The following IL20RB variants were observed in gnomAD, a reference collection of about 807,000 sequenced individuals.
The protein encoded by IL20RB is interleukin-20 receptor subunit beta.
In IL20RB, 21 loss-of-function variants were observed where a neutral mutation model predicts 33.3. That is an observed-to-expected ratio of 0.63 (90% CI 0.45 to 0.91). IL20RB has a LOEUF of 0.91. Among genes scored for constraint, IL20RB ranks in the 40% least tolerant of loss-of-function variants. The pLI, the probability that IL20RB is intolerant of heterozygous loss-of-function variation, is 0.00. For synonymous variants in IL20RB, 147 were observed against 146.8 expected, an observed-to-expected ratio of 1.00 and a Z score of -0.01; for missense variants, 345 against 384.8, an observed-to-expected ratio of 0.90 and a Z score of 0.86.
At chr3:136,980,357 C>A in intron 1 of IL20RB, 109 bp from the exon 2 acceptor site, 1 of 1,310,128 alleles carries the variant, frequency 7.6e-7, no homozygotes, top group Non-Finnish European at 1.1e-6. Flanking sequence ...GCAATCTCAG[C>A]TTACTGCAAC....
intron 6 of IL20RB, among the ~76,000 whole-genome samples, chr3:137,004,993 C>T (rs1045533123): frequency 6.6e-6 from 1 of 152,160 alleles, no homozygotes; most frequent in Non-Finnish European, 1.5e-5. Context: ...TTTCAAAGAA[C>T]ATTTTTATTT....
chr3:137,007,715 G>T (rs1932941390), intron 6 of IL20RB, among the ~76,000 whole-genome samples: 1 of 152,220 alleles, frequency 6.6e-6, no homozygotes, highest in Admixed American at 6.5e-5. Flanking sequence ...GGCTAGGAAA[G>T]GGAAATCCCC....
intron 6 of IL20RB, among the ~76,000 whole-genome samples, chr3:136,995,862 T>C (rs907522892): frequency 6.6e-6 from 1 of 152,172 alleles, no homozygotes; most frequent in Non-Finnish European, 1.5e-5. Flanking sequence ...GAGTCACTCA[T>C]GGTCTTACCC....
intron 1 of IL20RB, among the ~76,000 whole-genome samples, chr3:136,971,910 A>G (rs1237409648): frequency 6.6e-6 from 1 of 152,198 alleles, no homozygotes; most frequent in African/African-American, 2.4e-5. Context: ...AGAAATCTCC[A>G]TACTGTTTTC....
At chr3:136,971,174 A>G (rs1941472673) in intron 1 of IL20RB, among the ~76,000 whole-genome samples, 2 of 151,968 alleles carry the variant, frequency 1.3e-5, no homozygotes, top group Admixed American at 1.3e-4. Flanking sequence ...TCTGTTGCCC[A>G]GGCTGGAGTG....
intron 1 of IL20RB, chr3:136,980,208 AATTATAATGGTGGT>A: frequency 4.0e-6 from 2 of 499,500 alleles, no homozygotes; most frequent in Non-Finnish European, 3.6e-6. Context: ...ACAAAGTCAG[AATTATAATGGTGGT>A]ACCCAAAATT....
At chr3:136,961,629 T>C (rs1415978006) in intron 1 of IL20RB, among the ~76,000 whole-genome samples, 1 of 152,064 alleles carries the variant, frequency 6.6e-6, no homozygotes, top group East Asian at 1.9e-4. Flanking sequence ...TAACATAGTA[T>C]CCTGGATTGG....
At chr3:137,008,363 C>A (rs940102749) in intron 6 of IL20RB, among the ~76,000 whole-genome samples, 14 of 152,212 alleles carry the variant, frequency 9.2e-5, no homozygotes, top group Non-Finnish European at 1.6e-4. Context: ...AAATATGTTT[C>A]ATCTTCTCAG....
At chr3:137,001,839 C>T (rs1942249538) in intron 6 of IL20RB, among the ~76,000 whole-genome samples, 1 of 152,062 alleles carries the variant, frequency 6.6e-6, no homozygotes, top group Non-Finnish European at 1.5e-5. Flanking sequence ...AGGTTTGAAA[C>T]ATAGGTATAC....
At chr3:136,990,266 C>G (rs755909650) in intron 4 of IL20RB, among the ~76,000 whole-genome samples, 2 of 152,044 alleles carry the variant, frequency 1.3e-5, no homozygotes, top group African/African-American at 4.8e-5. Context: ...GAGGCCCACT[C>G]CAGGCAGCAC....
At chr3:137,001,971 G>A (rs1017040769) in intron 6 of IL20RB, among the ~76,000 whole-genome samples, 3 of 152,066 alleles carry the variant, frequency 2.0e-5, no homozygotes, top group Admixed American at 1.3e-4. Flanking sequence ...TCCCTGCACT[G>A]TGTCCAAGTG....
intron 6 of IL20RB, among the ~76,000 whole-genome samples, chr3:137,003,358 G>A (rs1942284861): frequency 6.6e-6 from 1 of 152,096 alleles, no homozygotes; most frequent in African/African-American, 2.4e-5. Context: ...AATTACTTTG[G>A]GCAGTATGGC....
chr3:136,997,025 G>A (rs911987791), intron 6 of IL20RB, among the ~76,000 whole-genome samples: 1 of 151,368 alleles, frequency 6.6e-6, no homozygotes, highest in African/African-American at 2.4e-5. Flanking sequence ...ATTTTTTTTT[G>A]TATAGTTGTT....
At chr3:136,959,010 A>G (rs1189586620) in intron 1 of IL20RB, 1 of 152,030 alleles carries the variant, frequency 6.6e-6, no homozygotes, top group East Asian at 1.9e-4. Context: ...AGTTTACATC[A>G]GGTAACAAAT....
At chr3:137,004,857 T>C (rs1942321135) in intron 6 of IL20RB, among the ~76,000 whole-genome samples, 1 of 152,200 alleles carries the variant, frequency 6.6e-6, no homozygotes, top group African/African-American at 2.4e-5. Flanking sequence ...AATTGTGATG[T>C]TAGGGTGTCA....
At chr3:136,993,946 G>A (rs1336844209) in intron 5 of IL20RB, among the ~76,000 whole-genome samples, 1 of 151,708 alleles carries the variant, frequency 6.6e-6, no homozygotes, top group East Asian at 1.9e-4. Context: ...CCAGGAGGCA[G>A]AGGTTGCAGT....
intron 1 of IL20RB, among the ~76,000 whole-genome samples, chr3:136,973,066 T>C (rs1398633819): frequency 6.6e-6 from 1 of 152,190 alleles, no homozygotes; most frequent in Non-Finnish European, 1.5e-5. Flanking sequence ...TCATTCAAGA[T>C]CATGTTGTTT....
chr3:137,007,764 C>T (rs899810503), intron 6 of IL20RB, among the ~76,000 whole-genome samples: 16 of 152,200 alleles, frequency 1.1e-4, no homozygotes, highest in Admixed American at 3.3e-4. Context: ...ATGCCCTGCC[C>T]TGCTTCAGCT....
intron 6 of IL20RB, among the ~76,000 whole-genome samples, chr3:136,998,129 C>CTTTTTT (rs35491086): frequency 3.3e-5 from 4 of 119,412 alleles, no homozygotes; most frequent in Non-Finnish European, 6.9e-5. Flanking sequence ...ATTTTCTTTT[C>CTTTTTT]TTTTTTTTTT....
Sources: gnomAD v4.1 joint callset for allele counts (sites outside exome capture counted in the v4.1 genomes callset) on GRCh38, gnomAD v4.1.1 for gene constraint, MANE v1.5 for transcripts, NCBI Gene and HGNC (gene_info 2026-07-23, HGNC 2026-07-21) for gene names.